Variants in FAM53A observed in about 807,000 individuals in gnomAD.
FAM53A encodes family with sequence similarity 53 member A, also known as protein FAM53A.
FAM53A carries 28 observed loss-of-function variants against 26.6 expected under a neutral mutation model. That is an observed-to-expected ratio of 1.05 (90% CI 0.78 to 1.45). The LOEUF (loss-of-function observed/expected upper bound fraction) is 1.45. FAM53A is among the 40% of genes most tolerant of loss of function. The pLI, the probability that FAM53A is intolerant of heterozygous loss-of-function variation, is 0.00. For synonymous variants in FAM53A, 290 were observed against 253.1 expected (o/e 1.15, Z -1.38); for missense variants, 650 against 575.8 (o/e 1.13, Z -1.32).
intron 2 of FAM53A, among the ~76,000 whole-genome samples, chr4:1,668,367 T>A (rs1184479038): frequency 1.3e-5 from 2 of 152,220 alleles, no homozygotes; most frequent in African/African-American, 2.4e-5. Flanking sequence ...TACGAACTCC[T>A]GACCTCAAGT....
chr4:1,670,228 C>G (rs144681515), intron 1 of FAM53A, among the ~76,000 whole-genome samples: 1 of 152,274 alleles, frequency 6.6e-6, no homozygotes, highest in Non-Finnish European at 1.5e-5. Flanking sequence ...GGTTTCAACA[C>G]GGTTCGATAC....
downstream of FAM53A, among the ~76,000 whole-genome samples, chr4:1,636,885 G>C (rs187005299): frequency 1.1e-5 from 1 of 89,792 alleles, no homozygotes; most frequent in Non-Finnish European, 2.6e-5. Flanking sequence ...TGCTCTTGCT[G>C]GGGGGGGGTC....
chr4:1,624,380 G>A (rs1715188062), intron 1 of FAM53A, among the ~76,000 whole-genome samples: 1 of 152,180 alleles, frequency 6.6e-6, no homozygotes, highest in Admixed American at 6.5e-5. Context: ...GAGGCTCTGA[G>A]GGGGACTGGT....
exon 2 of FAM53A, chr4:1,617,919 G>A (rs1423623259): frequency 7.4e-6 from 3 of 406,018 alleles, no homozygotes; most frequent in Admixed American, 2.6e-5. Flanking sequence ...AGCTGCTGGT[G>A]AGCAGCAGCA....
chr4:1,666,868 G>A (rs1333636635), intron 2 of FAM53A, among the ~76,000 whole-genome samples: 2 of 152,204 alleles, frequency 1.3e-5, no homozygotes, highest in African/African-American at 2.4e-5. Context: ...GGTGGCTCAC[G>A]CCTGTAATCC....
At chr4:1,601,577 G>A in the FAM53A span, among the ~76,000 whole-genome samples, 3 of 108,638 alleles carry the variant, frequency 2.8e-5, 1 homozygote, top group South Asian at 2.7e-4. Flanking sequence ...TTTGCCATGC[G>A]CCCCATCTGC....
the FAM53A span, among the ~76,000 whole-genome samples, chr4:1,594,339 T>A: frequency 6.6e-6 from 1 of 152,174 alleles, no homozygotes; most frequent in South Asian, 2.1e-4. Context: ...CTGTGTCCCC[T>A]TCTCCTTGTG....
chr4:1,582,354 G>C, the FAM53A span, among the ~76,000 whole-genome samples: 453 of 152,282 alleles, frequency 3.0e-3, 3 homozygotes, highest in Non-Finnish European at 5.4e-3. Context: ...CCAGCTGAAC[G>C]ACACTCCCCT....
the FAM53A span, among the ~76,000 whole-genome samples, chr4:1,578,615 G>C: frequency 2.0e-5 from 3 of 150,994 alleles, no homozygotes; most frequent in Admixed American, 6.6e-5. Flanking sequence ...GGTCCCCATG[G>C]GAAGCGCCCT....
At chr4:1,662,150 G>C (rs1439225991) in intron 2 of FAM53A, among the ~76,000 whole-genome samples, 1 of 151,928 alleles carries the variant, frequency 6.6e-6, no homozygotes, top group Non-Finnish European at 1.5e-5. Context: ...GAAACACAGT[G>C]AGACCCCCTT....
intron 1 of FAM53A, among the ~76,000 whole-genome samples, chr4:1,676,048 T>C (rs574747713): frequency 6.6e-6 from 1 of 152,396 alleles, no homozygotes; most frequent in Non-Finnish European, 1.5e-5. Flanking sequence ...TCGATTTTTC[T>C]GTGTTTTAAT....
At chr4:1,634,437 G>A (rs1333374189) in intron 1 of FAM53A, among the ~76,000 whole-genome samples, 1 of 152,166 alleles carries the variant, frequency 6.6e-6, no homozygotes, top group African/African-American at 2.4e-5. Context: ...CGGCCACCAT[G>A]TTCAGCCATC....
At chr4:1,595,260 G>C in the FAM53A span, among the ~76,000 whole-genome samples, 2 of 152,212 alleles carry the variant, frequency 1.3e-5, no homozygotes, top group African/African-American at 4.8e-5. Flanking sequence ...GGTGCAAGAA[G>C]GCGGGCAGCA....
chr4:1,641,628 G>A (rs1407607622), intron 4 of FAM53A, 21 bp from the exon 5 acceptor site: 1 of 1,612,908 alleles, frequency 6.2e-7, no homozygotes, highest in South Asian at 1.1e-5. Context: ...AAAGATACGG[G>A]CTTAAAGCAT....
chr4:1,603,253 G>A, the FAM53A span, among the ~76,000 whole-genome samples: 1 of 152,152 alleles, frequency 6.6e-6, no homozygotes, highest in Admixed American at 6.5e-5. Context: ...GTAAACGCTG[G>A]TGGGCACACC....
intron 2 of FAM53A, among the ~76,000 whole-genome samples, chr4:1,660,232 G>A (rs1446719520): frequency 2.6e-5 from 4 of 151,330 alleles, no homozygotes; most frequent in African/African-American, 2.4e-5. Context: ...GCAGTGAGCC[G>A]AGATCACACC....
chr4:1,676,043 T>G (rs1371664665), intron 1 of FAM53A, among the ~76,000 whole-genome samples: 2 of 152,260 alleles, frequency 1.3e-5, no homozygotes, highest in Admixed American at 6.5e-5. Context: ...CAGGTTCGAT[T>G]TTTCTGTGTT....
chr4:1,581,831 G>A, the FAM53A span, among the ~76,000 whole-genome samples: 1 of 152,060 alleles, frequency 6.6e-6, no homozygotes, highest in Non-Finnish European at 1.5e-5. Flanking sequence ...CTGACCTCAG[G>A]TGATCTGCCC....
chr4:1,684,839 T>A (rs1343943079), upstream of FAM53A, among the ~76,000 whole-genome samples: 1 of 152,230 alleles, frequency 6.6e-6, no homozygotes, highest in South Asian at 2.1e-4. Context: ...CCCTCGCTCA[T>A]GGTCGCCGAG....
Sources: allele counts gnomAD v4.1 joint callset (sites outside exome capture counted in the v4.1 genomes callset), GRCh38; gene constraint gnomAD v4.1.1; transcripts MANE v1.5; gene names NCBI Gene and HGNC (gene_info 2026-07-23, HGNC 2026-07-21).